MYO16: variants seen among roughly 807,000 people sequenced by gnomAD.
MYO16 encodes unconventional myosin-XVI.
Under a neutral mutation model 205.3 loss-of-function variants are expected in MYO16, and 94 were observed. The ratio of observed to expected loss-of-function variants is 0.46; its 90% confidence interval spans 0.39 to 0.54. The LOEUF (loss-of-function observed/expected upper bound fraction) is 0.54. Ranked by LOEUF, MYO16 falls within the 20% of genes least tolerant of loss-of-function variation. The pLI is 0.00. For synonymous variants in MYO16, 988 were observed against 954.0 expected, an observed-to-expected ratio of 1.04 and a Z score of -0.66; for missense variants, 2,315 against 2,387.5, an observed-to-expected ratio of 0.97 and a Z score of 0.63.
chr13:108,581,478 C>T, the MYO16 span, among the ~76,000 whole-genome samples: 4 of 152,032 alleles, frequency 2.6e-5, no homozygotes, highest in Non-Finnish European at 5.9e-5. Context: ...TCTCGCCCTT[C>T]TTCTTGCCTT....
At chr13:108,765,826 G>A (rs758964696) in intron 4 of MYO16, among the ~76,000 whole-genome samples, 18 of 152,118 alleles carry the variant, frequency 1.2e-4, no homozygotes, top group South Asian at 4.2e-4. Context: ...GTGTGGCAGC[G>A]TGTTCTACAT....
chr13:109,092,314 A>G (rs1338310527), intron 27 of MYO16, among the ~76,000 whole-genome samples: 3 of 152,194 alleles, frequency 2.0e-5, no homozygotes, highest in East Asian at 1.9e-4. Context: ...AAAATTCACT[A>G]TGTTTTAAAA....
chr13:109,108,679 A>C (rs568514909), intron 28 of MYO16, among the ~76,000 whole-genome samples: 31 of 152,328 alleles, frequency 2.0e-4, no homozygotes, highest in Admixed American at 2.0e-3. Flanking sequence ...CCAGGTGCAA[A>C]GAGAGCAAAT....
intron 33 of MYO16, among the ~76,000 whole-genome samples, chr13:109,176,045 T>TA (rs529434354): frequency 2.0e-5 from 3 of 152,186 alleles, no homozygotes; most frequent in East Asian, 1.9e-4. Flanking sequence ...GAAAAATGAA[T>TA]AAAAAATGGA....
At chr13:108,836,480 G>A (rs1293199436) in intron 9 of MYO16, among the ~76,000 whole-genome samples, 2 of 152,184 alleles carry the variant, frequency 1.3e-5, no homozygotes, top group African/African-American at 4.8e-5. Context: ...CTGCTTAATG[G>A]AGCTATGAGA....
the MYO16 span, among the ~76,000 whole-genome samples, chr13:108,578,583 C>G: frequency 2.0e-5 from 3 of 152,186 alleles, no homozygotes; most frequent in East Asian, 5.8e-4. Context: ...TTGAAGAAAG[C>G]TGCCAGTGTC....
chr13:108,961,569 G>A lies in MYO16; in HGVS notation c.2068G>A (p.Ala690Thr), dbSNP rs1412801902. ...EVENLFVILA[A>T]ILHLGDIRFT... Reference sequence around the variant, plus strand: ...GGAGAATCTGTTCGTAATTCTAGCAGCAATATTGCACCTTGGAGACATTCG... The same window carrying A: ...GGAGAATCTGTTCGTAATTCTAGCAACAATATTGCACCTTGGAGACATTCG... Residue 690 changes from alanine to threonine, a missense_variant, in exon 18 of 35, where the codon GCA (alanine) becomes ACA (threonine). Coordinates refer to ENST00000457511, the MANE Select transcript of MYO16 (RefSeq NM_001198950.3). 6.2e-7 allele frequency: 1 copy of A among 1,614,036 alleles called. No homozygotes were observed. The highest frequency in any genetic ancestry group is 1.1e-5 in the South Asian group (1 of 91,080).
At chr13:109,112,091 C>T (rs1223270331) in intron 28 of MYO16, among the ~76,000 whole-genome samples, 1 of 151,980 alleles carries the variant, frequency 6.6e-6, no homozygotes, top group South Asian at 2.1e-4. Flanking sequence ...GGGCCCTGTA[C>T]AATATATAAA....
In MYO16 at chr13:108,783,459, C is replaced by T. The variant is rs1049593531; in HGVS notation, c.508-2176C>T. ...CATAGGCAGAAGGGACTTGCCTTGT[C>T]TCAGATGAAACTTTGGACTGTGAAC... On this transcript the variant is annotated intron_variant, in intron 4 of 34. Transcript: ENST00000457511. Among the ~76,000 whole-genome samples, 29 of 152,130 alleles carry T rather than the reference C, an allele frequency of 1.9e-4. 1 individual carries two copies. Among genetic ancestry groups the T allele is most frequent in the Admixed American group, 1.6e-3 (25 of 15,272 alleles).
intron 34 of MYO16, among the ~76,000 whole-genome samples, chr13:109,206,073 T>C (rs1880585720): frequency 6.6e-6 from 1 of 152,158 alleles, no homozygotes; most frequent in African/African-American, 2.4e-5. Flanking sequence ...TGATTGTGTA[T>C]TGTCTATGAA....
rs575389058 is a variant in MYO16 at position 109,008,571 on chromosome 13, C to T, written c.2443-326C>T. On this transcript the variant is annotated intron_variant, in intron 21 of 34. Transcript: ENST00000457511. ...TCTTGTGTATGCACTACTGTACTAT[C>T]TATCTTGTGTATGCACTACTGTACT... 5.6e-5 allele frequency among the ~76,000 whole-genome samples: 6 copies of T among 106,266 alleles called. No individual in the cohort carries two copies. The South Asian group carries it at 1.8e-3, about 32-fold the overall frequency. The allele number at this position is 106,266 out of a possible 152,430, so 69.7% of individuals were successfully genotyped here.
chr13:109,119,857 A>G (rs1311593257), intron 28 of MYO16, among the ~76,000 whole-genome samples: 2 of 152,248 alleles, frequency 1.3e-5, no homozygotes, highest in African/African-American at 4.8e-5. Context: ...CTGAAGTTCT[A>G]TAATTGCAGT....
chr13:108,642,572 C>T (rs1294915497), intron 1 of MYO16, among the ~76,000 whole-genome samples: 1 of 152,104 alleles, frequency 6.6e-6, no homozygotes, highest in African/African-American at 2.4e-5. Flanking sequence ...CATGCACCAC[C>T]ACGCCCAGCT....
chr13:109,025,779 G>C (rs1187964713), intron 23 of MYO16, among the ~76,000 whole-genome samples: 2 of 152,154 alleles, frequency 1.3e-5, no homozygotes, highest in Non-Finnish European at 2.9e-5. Context: ...ACTAACTCTA[G>C]TAAGAAATAG....
At chr13:108,697,348 A>G (rs1024207145) in intron 2 of MYO16, among the ~76,000 whole-genome samples, 2 of 152,168 alleles carry the variant, frequency 1.3e-5, no homozygotes, top group African/African-American at 4.8e-5. Context: ...TTTACCTTCC[A>G]CTGTGATCAC....
At chr13:108,789,984 C>A (rs560308648) in intron 5 of MYO16, among the ~76,000 whole-genome samples, 5 of 152,252 alleles carry the variant, frequency 3.3e-5, no homozygotes, top group Admixed American at 2.0e-4. Context: ...AGAAGTGTCA[C>A]CTACACTAAG....
chr13:108,985,166 T>G (rs1594447111), intron 20 of MYO16, among the ~76,000 whole-genome samples: 1 of 152,146 alleles, frequency 6.6e-6, no homozygotes, highest in South Asian at 2.1e-4. Context: ...AATAATAGAG[T>G]TGGTCACTGA....
chr13:109,158,871 G>A (rs1354817689), intron 32 of MYO16, among the ~76,000 whole-genome samples: 3 of 151,948 alleles, frequency 2.0e-5, no homozygotes, highest in Non-Finnish European at 2.9e-5. Context: ...TCCCTCCCTC[G>A]GCCTTGGAAG....
intron 4 of MYO16, among the ~76,000 whole-genome samples, chr13:108,728,015 C>T (rs1308684754): frequency 6.6e-6 from 1 of 151,988 alleles, no homozygotes; most frequent in African/African-American, 2.4e-5. Context: ...AAAACGGGAA[C>T]TTTAAATATA....
Sources: gnomAD v4.1 joint callset for allele counts (sites outside exome capture counted in the v4.1 genomes callset) on GRCh38, gnomAD v4.1.1 for gene constraint, MANE v1.5 for transcripts, NCBI Gene and HGNC (gene_info 2026-07-23, HGNC 2026-07-21) for gene names.